CPNE4: variants seen among roughly 807,000 people sequenced by gnomAD.
The protein encoded by CPNE4 is copine-4.
Under a neutral mutation model 67.9 loss-of-function variants are expected in CPNE4, and 25 were observed. The observed-to-expected ratio is 0.37, with a 90% confidence interval of 0.27 to 0.51. The LOEUF (loss-of-function observed/expected upper bound fraction) is 0.51. CPNE4 is among the 20% of genes least tolerant of loss of function. The probability of loss-of-function intolerance (pLI) is 0.93; values close to 1 mark genes in which losing one functional copy is unlikely to be tolerated. For missense variants in CPNE4, 464 were observed against 690.8 expected, an observed-to-expected ratio of 0.67 and a Z score of 3.68; for synonymous variants, 242 against 244.9, an observed-to-expected ratio of 0.99 and a Z score of 0.11.
At chr3:131,620,801 C>G (rs1940423330) in intron 7 of CPNE4, among the ~76,000 whole-genome samples, 1 of 152,148 alleles carries the variant, frequency 6.6e-6, no homozygotes, top group Admixed American at 6.6e-5. Context: ...GGAAAAGTAA[C>G]AGCAAATGAT....
At chr3:131,574,237 T>A (rs1205704181) in intron 10 of CPNE4, among the ~76,000 whole-genome samples, 1 of 152,166 alleles carries the variant, frequency 6.6e-6, no homozygotes, top group Non-Finnish European at 1.5e-5. Flanking sequence ...ACAAGTTACA[T>A]CTCTCTTGTT....
At chr3:131,882,254 T>C (rs1022038177) in intron 2 of CPNE4, among the ~76,000 whole-genome samples, 1 of 152,126 alleles carries the variant, frequency 6.6e-6, no homozygotes, top group African/African-American at 2.4e-5. Flanking sequence ...TGTCATATTA[T>C]ATTATGTAAA....
chr3:131,606,712 C>T (rs1939529103), intron 7 of CPNE4, among the ~76,000 whole-genome samples: 2 of 152,100 alleles, frequency 1.3e-5, no homozygotes, highest in African/African-American at 4.8e-5. Flanking sequence ...TCATATCTGA[C>T]CTGGGTCTGG....
chr3:132,011,398 G>A (rs10512839), intron 1 of CPNE4, among the ~76,000 whole-genome samples: 98,858 of 152,080 alleles, frequency 0.65, 32,988 homozygotes, highest in Middle Eastern at 0.74. Context: ...ACACTCCGTT[G>A]CTAAGTTTTC....
intron 2 of CPNE4, among the ~76,000 whole-genome samples, chr3:131,827,101 T>G (rs1007614979): frequency 3.3e-5 from 5 of 152,068 alleles, no homozygotes; most frequent in Non-Finnish European, 7.4e-5. Flanking sequence ...CAGGTACTAT[T>G]TGAGAGAAGA....
chr3:131,759,276 A>G (rs1230992418), intron 2 of CPNE4, among the ~76,000 whole-genome samples: 3 of 152,186 alleles, frequency 2.0e-5, no homozygotes, highest in Admixed American at 6.5e-5. Context: ...CCATTCATGT[A>G]TCAGGGTAGG....
chr3:132,006,755 A>T lies in CPNE4; in HGVS notation c.-2+27812T>A, dbSNP rs1001714376. Among the ~76,000 whole-genome samples the T allele has an allele frequency of 2.0e-5, 3 of 151,910 alleles. No individual in the cohort carries two copies. In the East Asian group the frequency reaches 5.8e-4, roughly 29 times the overall value. ...GCAATGAGCAATCAGAAGTAACTGG[A>T]TTTCCAAGGTCACAATGGGGCATGA... On this transcript the variant is annotated intron_variant, in intron 1 of 15. Transcript: ENST00000429747.
chr3:131,946,326 C>G (rs2071550797), intron 1 of CPNE4, among the ~76,000 whole-genome samples: 1 of 152,166 alleles, frequency 6.6e-6, no homozygotes, highest in African/African-American at 2.4e-5. Context: ...TTTAAAGGTT[C>G]ATTCCGATTG....
chr3:131,883,090 T>TA (rs1275300824), intron 2 of CPNE4, among the ~76,000 whole-genome samples: 5 of 152,132 alleles, frequency 3.3e-5, no homozygotes, highest in Non-Finnish European at 7.4e-5. Context: ...AAAATGGAGG[T>TA]AATTTACTTC....
At chr3:131,862,039 A>G (rs1238441023) in intron 2 of CPNE4, among the ~76,000 whole-genome samples, 1 of 152,158 alleles carries the variant, frequency 6.6e-6, no homozygotes, top group African/African-American at 2.4e-5. Context: ...GTAGACACAG[A>G]TATTACCCAG....
chr3:131,555,567 AG>A lies in CPNE4; in HGVS notation c.1062-17del, dbSNP rs755251491. ...CATTTTGTCACTGAAACCAAAATGAAGAAAAGAAAAAACAAGAAGTTGCTTC... is the reference window on the plus strand; with the variant it reads ...CATTTTGTCACTGAAACCAAAATGAAAAAAGAAAAAACAAGAAGTTGCTTC... On this transcript the variant is annotated splice_polypyrimidine_tract_variant and intron_variant, in intron 11 of 15. Coordinates refer to ENST00000429747, the MANE Select transcript of CPNE4 (RefSeq NM_130808.3). 2.5e-6 allele frequency: 4 copies of A among 1,610,526 alleles called. No individual in the cohort carries two copies. The African/African-American group carries it at 5.3e-5, about 22-fold the overall frequency.
At chr3:131,659,760 G>T (rs763769575) in intron 7 of CPNE4, among the ~76,000 whole-genome samples, 12 of 152,156 alleles carry the variant, frequency 7.9e-5, no homozygotes, top group Non-Finnish European at 1.0e-4. Context: ...TTCCAAAAGG[G>T]AGGAATTTGG....
intron 7 of CPNE4, among the ~76,000 whole-genome samples, chr3:131,643,771 G>C (rs2079595353): frequency 6.6e-6 from 1 of 152,132 alleles, no homozygotes; most frequent in Admixed American, 6.5e-5. Flanking sequence ...TCATGATAAT[G>C]AGTGAGTTCT....
At chr3:131,763,877 A>G (rs1422639450) in intron 2 of CPNE4, among the ~76,000 whole-genome samples, 2 of 152,178 alleles carry the variant, frequency 1.3e-5, no homozygotes, top group Admixed American at 1.3e-4. Flanking sequence ...AATATCCAAT[A>G]ATATGACTTT....
chr3:131,904,202 G>T (rs1313463968), intron 2 of CPNE4, among the ~76,000 whole-genome samples: 1 of 152,110 alleles, frequency 6.6e-6, no homozygotes, highest in African/African-American at 2.4e-5. Context: ...TCTGAATGTG[G>T]TTTTGCTACC....
chr3:131,585,320 G>A (rs535951583), intron 8 of CPNE4, among the ~76,000 whole-genome samples: 4 of 152,292 alleles, frequency 2.6e-5, no homozygotes, highest in African/African-American at 9.6e-5. Context: ...TAGTCATGGT[G>A]CATTTAGAGC....
At chr3:131,861,653 G>A (rs1183722170) in intron 2 of CPNE4, among the ~76,000 whole-genome samples, 3 of 152,038 alleles carry the variant, frequency 2.0e-5, no homozygotes, top group Admixed American at 6.6e-5. Context: ...GGCTGGTCTC[G>A]AACTCCTGAC....
At position 131,581,101 on chromosome 3, in the gene CPNE4, T is replaced by G. The variant is rs937008942; in HGVS notation, c.867+478A>C. 2.6e-5 allele frequency among the ~76,000 whole-genome samples: 4 copies of G among 152,176 alleles called. No homozygotes were observed. The East Asian group carries it at 5.8e-4, about 22-fold the overall frequency. ...GGCAGAAGAATCACTTGAACCTGGG[T>G]GGCAGAGGTTGCAGTGAGCCGATAT... is the stretch of plus-strand genomic sequence containing the variant. On this transcript the variant is annotated intron_variant, in intron 9 of 15. Coordinates refer to ENST00000429747, the MANE Select transcript of CPNE4 (RefSeq NM_130808.3).
chr3:131,908,641 T>C (rs2088855281), intron 1 of CPNE4, among the ~76,000 whole-genome samples: 1 of 110,606 alleles, frequency 9.0e-6, no homozygotes, highest in African/African-American at 3.9e-5. Flanking sequence ...TGTTTTAATA[T>C]GTGTTAGGAA....
Sources: allele counts gnomAD v4.1 joint callset (sites outside exome capture counted in the v4.1 genomes callset), GRCh38; gene constraint gnomAD v4.1.1; transcripts MANE v1.5; gene names NCBI Gene and HGNC (gene_info 2026-07-23, HGNC 2026-07-21).